The following COL22A1 variants were observed in gnomAD, a reference collection of about 807,000 sequenced individuals.
COL22A1 encodes the protein collagen type XXII alpha 1 chain.
A neutral mutation model predicts 248.9 loss-of-function variants in COL22A1; 221 were observed. That is an observed-to-expected ratio of 0.89 (90% CI 0.80 to 0.99). COL22A1 has a LOEUF of 0.99. Among genes scored for constraint, COL22A1 ranks in the 50% least tolerant of loss-of-function variants. The pLI is 0.00. For synonymous variants in COL22A1, 891 were observed against 793.4 expected, an observed-to-expected ratio of 1.12 and a Z score of -2.07; for missense variants, 2,240 against 2,179.0, an observed-to-expected ratio of 1.03 and a Z score of -0.56.
At chr8:138,724,556 C>A (rs1285217375) in intron 25 of COL22A1, 59 bp downstream of exon 25, 16 of 1,523,898 alleles carry the variant, frequency 1.0e-5, no homozygotes, top group South Asian at 2.3e-5. Flanking sequence ...GCTCAGTGCT[C>A]CCCCCAGAGC....
chr8:138,710,594 TCTATCTA>T (rs533540012), intron 30 of COL22A1, among the ~76,000 whole-genome samples: 2,098 of 47,396 alleles, frequency 0.044, 22 homozygotes, highest in South Asian at 0.098. Context: ...CCATAATCTA[TCTATCTA>T]TCTATCTATA....
At chr8:138,784,672 G>T (rs557384770) in intron 12 of COL22A1, among the ~76,000 whole-genome samples, 1 of 152,244 alleles carries the variant, frequency 6.6e-6, no homozygotes, top group South Asian at 2.1e-4. Context: ...ATGTTGCTGA[G>T]GATAGTTTAT....
rs1354716466 is a variant in COL22A1 at position 138,720,726 on chromosome 8, G to GCAAAGTCCATAC, written c.2355+1_2355+12dup. On this transcript the variant is annotated intron_variant, in intron 27 of 64. Transcript: ENST00000303045. The stretch of plus-strand genomic sequence containing the variant: ...ATAGCAAGCATAATGGGAAAAAGAG[G>GCAAAGTCCATAC]CAAAGTCCATACCCGAAGGCCTGGT... 1 of 1,610,342 alleles carries GCAAAGTCCATAC rather than the reference G, an allele frequency of 6.2e-7. No homozygotes were observed. Among genetic ancestry groups the GCAAAGTCCATAC allele is most frequent in the African/African-American group, 1.3e-5 (1 of 74,804 alleles).
Position 138,755,778 on chromosome 8 carries a change from G to T in COL22A1, c.1947+7C>A. 6.2e-7 allele frequency: 1 copy of T among 1,613,988 alleles called. No homozygotes were observed. Among genetic ancestry groups the T allele is most frequent in the Non-Finnish European group, 8.5e-7 (1 of 1,179,912 alleles). ...TGCATCCATGATTCCAACCACTGCT[G>T]ACTCACCACTGAGCCTGGTACACCA... is the stretch of plus-strand genomic sequence containing the variant. On this transcript the variant is annotated splice_region_variant and intron_variant, in intron 19 of 64. Coordinates refer to ENST00000303045, the MANE Select transcript of COL22A1 (RefSeq NM_152888.3).
chr8:138,716,731 A>G (rs1475445890), intron 28 of COL22A1, 94 bp downstream of exon 28: 1 of 942,138 alleles, frequency 1.1e-6, no homozygotes, highest in Non-Finnish European at 1.7e-6. Flanking sequence ...ACCAGGATTA[A>G]TTCCTCTTGG....
intron 22 of COL22A1, among the ~76,000 whole-genome samples, chr8:138,750,579 C>T (rs535318382): frequency 5.3e-4 from 80 of 152,250 alleles, no homozygotes; most frequent in African/African-American, 1.7e-3. Flanking sequence ...AGAGGCCATA[C>T]GTGGAATGAG....
intron 36 of COL22A1, among the ~76,000 whole-genome samples, chr8:138,690,321 G>A (rs1023649744): frequency 6.6e-6 from 1 of 152,092 alleles, no homozygotes; most frequent in African/African-American, 2.4e-5. Flanking sequence ...CTTGGGCCTC[G>A]ACATGGAAAA....
rs533893828 is a variant in COL22A1, at chr8:138,781,392, T to C, written c.1597-412A>G. Among the ~76,000 whole-genome samples the C allele has an allele frequency of 2.2e-4, 34 of 152,274 alleles. No homozygotes were observed. The South Asian group carries it at 7.0e-3, about 32-fold the overall frequency. On this transcript the variant is annotated intron_variant, in intron 12 of 64. Coordinates refer to ENST00000303045, the MANE Select transcript of COL22A1 (RefSeq NM_152888.3). ...CATCTGACTGGATGAGCCTTTGCTA[T>C]GGGGCTGAGCTGTGCACTGTAGGAT...
chr8:138,734,222 C>A (rs755113321), intron 23 of COL22A1, among the ~76,000 whole-genome samples: 1 of 152,172 alleles, frequency 6.6e-6, no homozygotes, highest in African/African-American at 2.4e-5. Context: ...GTTGGCCTCA[C>A]CTTGCCTGAA....
At chr8:138,763,682 A>C (rs557216589) in intron 16 of COL22A1, among the ~76,000 whole-genome samples, 1 of 152,250 alleles carries the variant, frequency 6.6e-6, no homozygotes, top group African/African-American at 2.4e-5. Flanking sequence ...GGCTTCCTTC[A>C]TCAGGCTCCT....
chr8:138,823,380 G>A (rs754807360), intron 6 of COL22A1, among the ~76,000 whole-genome samples: 15 of 152,104 alleles, frequency 9.9e-5, no homozygotes, highest in Non-Finnish European at 2.1e-4. Context: ...TTTTAACCTG[G>A]CCATCTGTTC....
chr8:138,625,642 T>C (rs1465449430), intron 51 of COL22A1, among the ~76,000 whole-genome samples: 12 of 152,244 alleles, frequency 7.9e-5, no homozygotes, highest in Admixed American at 7.9e-4. Flanking sequence ...AGGATCATCA[T>C]AAAGAAATTT....
intron 47 of COL22A1, among the ~76,000 whole-genome samples, chr8:138,646,229 G>C (rs1476835048): frequency 6.6e-6 from 1 of 152,130 alleles, no homozygotes; most frequent in Non-Finnish European, 1.5e-5. Context: ...CACTTTCCTA[G>C]TATTTTTCAA....
intron 46 of COL22A1, among the ~76,000 whole-genome samples, chr8:138,649,138 A>G (rs1243981752): frequency 6.6e-6 from 1 of 152,224 alleles, no homozygotes; most frequent in East Asian, 1.9e-4. Flanking sequence ...TCCAGGACAG[A>G]CCATGAACTC....
chr8:138,747,046 C>G (rs1832174688), intron 22 of COL22A1, among the ~76,000 whole-genome samples: 1 of 152,220 alleles, frequency 6.6e-6, no homozygotes, highest in Non-Finnish European at 1.5e-5. Context: ...TTATTTGATG[C>G]AGCTTCAAGA....
At chr8:138,626,071 ACACT>A in intron 51 of COL22A1, 115 bp downstream of exon 51, 1 of 734,978 alleles carries the variant, frequency 1.4e-6, no homozygotes, top group South Asian at 1.9e-5. Flanking sequence ...ATTTTCTACA[ACACT>A]CAAAATTCTA....
At chr8:138,699,154 G>A (rs987941378) in intron 32 of COL22A1, among the ~76,000 whole-genome samples, 3 of 152,074 alleles carry the variant, frequency 2.0e-5, no homozygotes, top group African/African-American at 7.2e-5. Flanking sequence ...CTTTCCCGCA[G>A]ACGCCTCTCA....
intron 3 of COL22A1, among the ~76,000 whole-genome samples, chr8:138,861,869 C>T (rs925162597): frequency 3.3e-5 from 5 of 152,080 alleles, no homozygotes; most frequent in African/African-American, 7.2e-5. Flanking sequence ...GTTCAGCTAT[C>T]TGGATGTTTT....
chr8:138,703,263 A>G lies in COL22A1; in HGVS notation c.2559+43T>C, dbSNP rs1223947504. ...CTGGAGGGGGAGTACGAATCCCAAT[A>G]TAGGAATTCAGAGGAGAAAGAATTA... On this transcript the variant is annotated intron_variant, in intron 31 of 64. Transcript: ENST00000303045. 5 of 1,560,338 alleles carry G rather than the reference A, an allele frequency of 3.2e-6. No homozygotes were observed. In the East Asian group the frequency reaches 6.7e-5, roughly 21 times the overall value.
Sources: allele counts gnomAD v4.1 joint callset (sites outside exome capture counted in the v4.1 genomes callset), GRCh38; gene constraint gnomAD v4.1.1; transcripts MANE v1.5; gene names NCBI Gene and HGNC (gene_info 2026-07-23, HGNC 2026-07-21).